CEP72: variants seen among roughly 807,000 people sequenced by gnomAD.
The protein encoded by CEP72 is centrosomal protein of 72 kDa.
A neutral mutation model predicts 65.7 loss-of-function variants in CEP72; 78 were observed. The ratio of observed to expected loss-of-function variants is 1.19; its 90% confidence interval spans 0.99 to 1.43. The LOEUF is 1.43. CEP72 is among the 40% of genes most tolerant of loss of function. CEP72 has a pLI of 0.00. For missense variants in CEP72, 914 were observed against 832.9 expected, an observed-to-expected ratio of 1.10 and a Z score of -1.20; for synonymous variants, 358 against 351.7, an observed-to-expected ratio of 1.02 and a Z score of -0.20.
chr5:623,379 G>A lies in CEP72; in HGVS notation c.404-1092G>A, dbSNP rs927997044. 5.9e-5 allele frequency among the ~76,000 whole-genome samples: 9 copies of A among 152,238 alleles called. No individual in the cohort carries two copies. Among genetic ancestry groups the A allele is most frequent in the Admixed American group, 1.3e-4 (2 of 15,290 alleles). On this transcript the variant is annotated intron_variant, in intron 3 of 11. Coordinates refer to ENST00000264935, the MANE Select transcript of CEP72 (RefSeq NM_018140.4). The surrounding 1 kb of genome is among the most constrained non-coding windows in gnomAD (Gnocchi z 5.3). Reference sequence around the variant, plus strand: ...CGGTCCTTGGCTCCGCGTGGGTCATGGAAAGGCCCCGGTGGTGGAGGAGGC... The same window carrying A: ...CGGTCCTTGGCTCCGCGTGGGTCATAGAAAGGCCCCGGTGGTGGAGGAGGC...
rs754182538 is a variant in CEP72 at position 639,265 on chromosome 5, T to C, written c.1342+41T>C. ...CACTGCTCTTGCCCTGTAGGCAGCGTCTGTGTGGGTTCCGGGGTCCTCTGC... is the reference window on the plus strand; with the variant it reads ...CACTGCTCTTGCCCTGTAGGCAGCGCCTGTGTGGGTTCCGGGGTCCTCTGC... On this transcript the variant is annotated intron_variant, in intron 8 of 11. Transcript: ENST00000264935. The C allele has an allele frequency of 3.9e-6, 6 of 1,523,812 alleles. No homozygotes were observed. In the African/African-American group the frequency reaches 8.3e-5, roughly 21 times the overall value. The allele number at this position is 1,523,812 out of a possible 1,614,324, so 94.4% of individuals were successfully genotyped here. A position where few individuals can be genotyped will look rare whatever the true frequency, so the allele number is the denominator to read the frequency against.
intron 3 of CEP72, chr5:665,445 AT>A: frequency 1.4e-6 from 1 of 736,502 alleles, no homozygotes. Context: ...TTTAATTCTT[AT>A]TTTTACCTCT....
At position 624,580 on chromosome 5, in the gene CEP72, G is replaced by A; in HGVS notation, c.512+1G>A. On this transcript the variant is annotated splice_donor_variant, in intron 4 of 11. Coordinates refer to ENST00000264935, the MANE Select transcript of CEP72 (RefSeq NM_018140.4). LOFTEE classifies it high-confidence loss of function. This position sits in a 1 kb window ranked among gnomAD's most constrained non-coding sequence, Gnocchi z 4.7. Reference sequence around the variant, plus strand: ...TCCCAGCTTCTTTGAAAGAGGGCAGGTATGAACGGAAGTGCTACGGACACC... The same window carrying A: ...TCCCAGCTTCTTTGAAAGAGGGCAGATATGAACGGAAGTGCTACGGACACC... 1 of 1,601,824 alleles carries A rather than the reference G, an allele frequency of 6.2e-7. No homozygotes were observed. Among genetic ancestry groups the A allele is most frequent in the Non-Finnish European group, 8.6e-7 (1 of 1,168,740 alleles).
chr5:613,140 C>G (rs1735780581), intron 1 of CEP72, among the ~76,000 whole-genome samples: 1 of 152,178 alleles, frequency 6.6e-6, no homozygotes, highest in South Asian at 2.1e-4. Flanking sequence ...CTTATTTGAG[C>G]TAACTTGTGG....
At chr5:622,967 A>G (rs1002936760) in intron 3 of CEP72, among the ~76,000 whole-genome samples, 1 of 152,176 alleles carries the variant, frequency 6.6e-6, no homozygotes, top group Non-Finnish European at 1.5e-5. Flanking sequence ...TGCCTCTGTA[A>G]TCCAAGTTTT....
chr5:641,075 T>C (rs1737981607), intron 9 of CEP72: 1 of 985,334 alleles, frequency 1.0e-6, no homozygotes, highest in African/African-American at 1.7e-5. Context: ...TTCTGTGTAT[T>C]GGGCCTCAGG....
chr5:640,364 C>A, intron 8 of CEP72, 44 bp from the exon 9 acceptor site: 1 of 1,587,280 alleles, frequency 6.3e-7, no homozygotes, highest in Non-Finnish European at 8.6e-7. Flanking sequence ...ACATTTCATC[C>A]TTTAAGCCTA....
intron 4 of CEP72, among the ~76,000 whole-genome samples, chr5:625,750 C>G (rs1293623667): frequency 6.6e-6 from 1 of 152,118 alleles, no homozygotes; most frequent in Admixed American, 6.5e-5. Context: ...TGTTCCATGC[C>G]CCTCCTGGCT....
rs12522955 is a variant in CEP72, at chr5:639,116, C to A, written c.1234C>A (p.Pro412Thr). The A allele has an allele frequency of 0.18, 284,390 of 1,613,110 alleles. 27,380 individuals are homozygous for A. Among genetic ancestry groups the A allele is most frequent in the Non-Finnish European group, 0.2 (232,071 of 1,179,700 alleles). ...EPSPGSHSAL[P>T]GKKTALQAAL... The stretch of plus-strand genomic sequence containing the variant: ...GTCTCCCGGGTCACACTCGGCTCTA[C>A]CCGGGAAGAAGACGGCCCTGCAGGC... The change falls in exon 8 of 12, where the codon CCC becomes ACC. Residue 412 changes from proline to threonine, a missense_variant. Transcript: ENST00000264935.
intron 7 of CEP72, 73 bp from the exon 8 acceptor site, chr5:639,016 C>A: frequency 6.3e-7 from 1 of 1,588,120 alleles, no homozygotes; most frequent in Non-Finnish European, 8.6e-7. Flanking sequence ...TCCCAGGGTG[C>A]GCTTGGGCAC....
At chr5:633,656 G>T in intron 4 of CEP72, 113 bp from the exon 5 acceptor site, 1 of 1,019,144 alleles carries the variant, frequency 9.8e-7, no homozygotes. Flanking sequence ...CCCCACGTTT[G>T]CAGCACGCTG....
Position 624,605 on chromosome 5 carries a change from C to G in CEP72, c.512+26C>G. On this transcript the variant is annotated intron_variant, in intron 4 of 11. Transcript: ENST00000264935. This position sits in a 1 kb window ranked among gnomAD's most constrained non-coding sequence, Gnocchi z 4.7. ...GTATGAACGGAAGTGCTACGGACAC[C>G]CAGAGTGTTTCTGACTGGCCTGCTG... 6.7e-7 allele frequency: 1 copy of G among 1,496,380 alleles called. No homozygotes were observed. Among genetic ancestry groups the G allele is most frequent in the Non-Finnish European group, 9.3e-7 (1 of 1,072,742 alleles). 92.7% of individuals were successfully genotyped at this position (1,496,380 alleles called of 1,614,324 possible).
chr5:641,456 A>G (rs934560699), intron 9 of CEP72: 1 of 985,342 alleles, frequency 1.0e-6, no homozygotes, highest in African/African-American at 1.7e-5. Context: ...TTGTCTGACA[A>G]GTACATACTG....
At chr5:642,461 A>G in intron 9 of CEP72, 1 of 985,484 alleles carries the variant, frequency 1.0e-6, no homozygotes, top group African/African-American at 1.7e-5. Flanking sequence ...GCCGTCACTG[A>G]TGATGTCTTT....
At chr5:638,439 CT>C (rs1737769162) in intron 7 of CEP72, among the ~76,000 whole-genome samples, 1 of 151,944 alleles carries the variant, frequency 6.6e-6, no homozygotes, top group Non-Finnish European at 1.5e-5. Context: ...GGGCTGTTCA[CT>C]TGGTACTTGC....
rs1418871470 is a variant in CEP72, at chr5:639,084, C to A, written c.1207-5C>A. ...GCTGGCCTCATGCTGTTGTTTCCAT[C>A]ACAGCCGTCTCCCGGGTCACACTCG... On this transcript the variant is annotated splice_region_variant and splice_polypyrimidine_tract_variant and intron_variant, in intron 7 of 11. Transcript: ENST00000264935. The A allele has an allele frequency of 6.2e-7, 1 of 1,613,222 alleles. No homozygotes were observed. The highest frequency in any genetic ancestry group is 8.5e-7 in the Non-Finnish European group (1 of 1,179,886).
chr5:657,552 C>T (rs1219272587), downstream of CEP72, among the ~76,000 whole-genome samples: 1 of 152,214 alleles, frequency 6.6e-6, no homozygotes, highest in Non-Finnish European at 1.5e-5. Flanking sequence ...CTGGAACTTT[C>T]TTTGTCAGGA....
In CEP72 at chr5:619,003, A is replaced by G. The variant is rs62000997; in HGVS notation, c.96A>G (p.Ser32=). 3.4e-4 allele frequency: 553 copies of G among 1,609,468 alleles called. 4 individuals are homozygous for G. In the African/African-American group the frequency reaches 6.7e-3, roughly 20 times the overall value. The stretch of plus-strand genomic sequence containing the variant: ...TTCTATTCTTAGCTGAGCTTCAGTC[A>G]TTGTCTATTCCTGGAACTTACCAAG... The part of the protein sequence containing the change: ...GPHRDLAELQ[S]LSIPGTYQEK... Residue 32 remains serine (S), a synonymous_variant, in exon 2 of 12, where the codon TCA becomes TCG. Transcript: ENST00000264935.
At chr5:668,205 A>G (rs192824490), downstream of CEP72, among the ~76,000 whole-genome samples, 241 of 38,836 alleles carry the variant, frequency 6.2e-3, 4 homozygotes, top group African/African-American at 0.016. Context: ...TCAGGGAAGT[A>G]CCGACAAGCA....
Sources: allele counts gnomAD v4.1 joint callset (sites outside exome capture counted in the v4.1 genomes callset), GRCh38; gene constraint gnomAD v4.1.1; non-coding constraint Gnocchi (gnomAD v3.1); transcripts MANE v1.5; gene names NCBI Gene and HGNC (gene_info 2026-07-23, HGNC 2026-07-21).